Variants in HIPK2 observed in about 807,000 individuals in gnomAD.
The protein encoded by HIPK2 is homeodomain interacting protein kinase 2, also known as homeodomain-interacting protein kinase 2.
Under a neutral mutation model 113.7 loss-of-function variants are expected in HIPK2, and 27 were observed. The observed-to-expected ratio is 0.24, with a 90% CI of 0.17 to 0.33. The LOEUF (loss-of-function observed/expected upper bound fraction) is 0.33. Among genes scored for constraint, HIPK2 ranks in the 10% least tolerant of loss-of-function variants. The pLI, the probability that HIPK2 is intolerant of heterozygous loss-of-function variation, is 1.00. For missense variants in HIPK2, 1,257 were observed against 1,588.0 expected, an observed-to-expected ratio of 0.79 and a Z score of 3.54; for synonymous variants, 631 against 642.2, an observed-to-expected ratio of 0.98 and a Z score of 0.26.
At chr7:139,602,621 G>A (rs1263016479) in intron 10 of HIPK2, among the ~76,000 whole-genome samples, 2 of 150,864 alleles carry the variant, frequency 1.3e-5, no homozygotes, top group East Asian at 1.9e-4. Flanking sequence ...AAAAAGGGGC[G>A]AGGGAAAAAA....
chr7:139,658,260 C>T (rs1408621620), intron 2 of HIPK2, among the ~76,000 whole-genome samples: 2 of 150,206 alleles, frequency 1.3e-5, no homozygotes, highest in Admixed American at 6.6e-5. Context: ...GAGCAGAGAT[C>T]GTGCCATTGC....
chr7:139,777,654 C>G lies in HIPK2; in HGVS notation c.-31G>C. 9.3e-7 allele frequency: 1 copy of G among 1,073,388 alleles called. No homozygotes were observed. The highest frequency in any genetic ancestry group is 1.1e-6 in the Non-Finnish European group (1 of 886,350). 66.5% of individuals were successfully genotyped at this position (1,073,388 alleles called of 1,614,324 possible). On this transcript the variant is annotated 5_prime_UTR_variant, in exon 1 of 15. Coordinates refer to ENST00000406875, the MANE Select transcript of HIPK2 (RefSeq NM_022740.5). Reference sequence around the variant, plus strand: ...CCGGGGTGTCCGCGGTTCATGGCAACGGGGACGGGAAAGCGGCGCGCGAGC... The same window carrying G: ...CCGGGGTGTCCGCGGTTCATGGCAAGGGGGACGGGAAAGCGGCGCGCGAGC...
chr7:139,739,684 A>G (rs983317159), intron 1 of HIPK2, among the ~76,000 whole-genome samples: 8 of 152,104 alleles, frequency 5.3e-5, no homozygotes, highest in Non-Finnish European at 1.2e-4. Flanking sequence ...TGATTATCAG[A>G]AACCCCATAC....
At chr7:139,586,166 C>T (rs1238063830) in intron 12 of HIPK2, among the ~76,000 whole-genome samples, 2 of 152,302 alleles carry the variant, frequency 1.3e-5, no homozygotes, top group East Asian at 3.9e-4. Context: ...ATATTTATGG[C>T]TCTTCATGTT....
intron 2 of HIPK2, among the ~76,000 whole-genome samples, chr7:139,646,524 A>G (rs890087240): frequency 0.011 from 1,232 of 116,956 alleles, 12 homozygotes; most frequent in Middle Eastern, 0.046. Context: ...AAAAAAGGAA[A>G]GAAAGAAAAG....
intron 2 of HIPK2, among the ~76,000 whole-genome samples, chr7:139,648,953 A>G (rs1264052941): frequency 6.6e-6 from 1 of 152,168 alleles, no homozygotes; most frequent in African/African-American, 2.4e-5. Context: ...CCCCAAACGG[A>G]AGAACAGAAA....
At chr7:139,664,946 T>G (rs1374545693) in intron 2 of HIPK2, among the ~76,000 whole-genome samples, 1 of 152,172 alleles carries the variant, frequency 6.6e-6, no homozygotes, top group Non-Finnish European at 1.5e-5. Flanking sequence ...CTGACCTTAA[T>G]ACAGAGTGTC....
At position 139,631,553 on chromosome 7, in the gene HIPK2, T is replaced by G; in HGVS notation, c.1227+49A>C. On this transcript the variant is annotated intron_variant, in intron 3 of 14. Transcript: ENST00000406875. The surrounding 1 kb of genome is among the most constrained non-coding windows in gnomAD (Gnocchi z 4.9). The stretch of plus-strand genomic sequence containing the variant: ...AATGAAATGCTAATCCAGGCTATTT[T>G]CCAGATGAAGAATGAGGTCTTGTGA... 1 of 1,594,524 alleles carries G rather than the reference T, an allele frequency of 6.3e-7. No individual in the cohort carries two copies.
At chr7:139,743,434 A>G (rs567540669) in intron 1 of HIPK2, among the ~76,000 whole-genome samples, 164 of 152,312 alleles carry the variant, frequency 1.1e-3, no homozygotes, top group African/African-American at 3.7e-3. Flanking sequence ...CTCTTGGAAA[A>G]TCCGCTGCTC....
chr7:139,682,132 T>A (rs1249476624), intron 2 of HIPK2, among the ~76,000 whole-genome samples: 1 of 152,178 alleles, frequency 6.6e-6, no homozygotes, highest in African/African-American at 2.4e-5. Flanking sequence ...TAGACCACGT[T>A]GCTTCCACTC....
intron 12 of HIPK2, among the ~76,000 whole-genome samples, chr7:139,596,233 A>G (rs963556441): frequency 7.2e-5 from 11 of 152,250 alleles, no homozygotes; most frequent in Admixed American, 2.6e-4. Context: ...ATAAACAGTA[A>G]TGCTCTCTGG....
intron 2 of HIPK2, among the ~76,000 whole-genome samples, chr7:139,672,133 T>A (rs1344214272): frequency 6.6e-6 from 1 of 152,224 alleles, no homozygotes; most frequent in Non-Finnish European, 1.5e-5. Context: ...TGCTGAACAC[T>A]GATTTAGATG....
chr7:139,632,164 G>A (rs1047850301), intron 2 of HIPK2, among the ~76,000 whole-genome samples: 2 of 152,184 alleles, frequency 1.3e-5, no homozygotes, highest in African/African-American at 4.8e-5. Context: ...TCTAGAGATG[G>A]GAACTCACTA....
chr7:139,591,331 G>A (rs536793794), intron 12 of HIPK2, among the ~76,000 whole-genome samples: 5 of 152,268 alleles, frequency 3.3e-5, no homozygotes, highest in Non-Finnish European at 7.4e-5. Flanking sequence ...CAGATGCAGC[G>A]GAAGGAAGTG....
intron 13 of HIPK2, among the ~76,000 whole-genome samples, chr7:139,581,038 G>A (rs940649682): frequency 4.6e-5 from 7 of 151,900 alleles, no homozygotes; most frequent in Non-Finnish European, 7.4e-5. Flanking sequence ...TGGCTAACGC[G>A]GTGAAACCCC....
At chr7:139,676,572 G>C (rs186736635) in intron 2 of HIPK2, among the ~76,000 whole-genome samples, 2 of 152,172 alleles carry the variant, frequency 1.3e-5, no homozygotes, top group African/African-American at 4.8e-5. Flanking sequence ...TGAGCACTAA[G>C]ATCTAGTAGG....
Position 139,572,849 on chromosome 7 carries a change from A to C in HIPK2, c.*78T>G. 1 of 1,090,860 alleles carries C rather than the reference A, an allele frequency of 9.2e-7. No homozygotes were observed. Among genetic ancestry groups the C allele is most frequent in the South Asian group, 1.6e-5 (1 of 61,506 alleles). 67.6% of individuals were successfully genotyped at this position (1,090,860 alleles called of 1,614,324 possible). A position where few individuals can be genotyped will look rare whatever the true frequency, so the allele number is the denominator to read the frequency against. On this transcript the variant is annotated 3_prime_UTR_variant, in exon 15 of 15. Transcript: ENST00000406875. ...ATAAAAGGCCAGCGCCCACGGTCCC[A>C]GGAGCGCCTCCCTCCTTCTCTCCCT...
At chr7:139,707,976 T>C (rs1023818229) in intron 2 of HIPK2, among the ~76,000 whole-genome samples, 1 of 151,940 alleles carries the variant, frequency 6.6e-6, no homozygotes, top group Non-Finnish European at 1.5e-5. Flanking sequence ...ACCCCCCAAT[T>C]ATTCTGGATC....
chr7:139,719,081 C>T (rs138885458), intron 1 of HIPK2, among the ~76,000 whole-genome samples: 1 of 152,152 alleles, frequency 6.6e-6, no homozygotes, highest in East Asian at 1.9e-4. Flanking sequence ...CTGTAATCTC[C>T]CCATCCCGTG....
Sources: gnomAD v4.1 joint callset for allele counts (sites outside exome capture counted in the v4.1 genomes callset) on GRCh38, gnomAD v4.1.1 for gene constraint, Gnocchi (gnomAD v3.1) non-coding constraint, MANE v1.5 for transcripts, NCBI Gene and HGNC (gene_info 2026-07-23, HGNC 2026-07-21) for gene names.